Variants in TP63 observed in about 807,000 individuals in gnomAD.
The protein encoded by TP63 is tumor protein 63.
Under a neutral mutation model 82.8 loss-of-function variants are expected in TP63, and 17 were observed. The observed-to-expected ratio is 0.21, with a 90% CI of 0.14 to 0.31. The LOEUF (loss-of-function observed/expected upper bound fraction) is 0.31. TP63 is among the 10% of genes least tolerant of loss of function. TP63 has a pLI of 1.00. For synonymous variants in TP63, 330 were observed against 321.7 expected, an observed-to-expected ratio of 1.03 and a Z score of -0.28; for missense variants, 648 against 895.3, an observed-to-expected ratio of 0.72 and a Z score of 3.52.
intron 10 of TP63, among the ~76,000 whole-genome samples, chr3:189,877,463 G>A (rs775775115): frequency 2.0e-5 from 3 of 152,160 alleles, no homozygotes; most frequent in Non-Finnish European, 4.4e-5. Flanking sequence ...ACATAAAAGC[G>A]AGGCTGACAT....
intron 1 of TP63, among the ~76,000 whole-genome samples, chr3:189,647,906 C>G (rs1349455352): frequency 6.8e-6 from 1 of 146,852 alleles, no homozygotes; most frequent in Non-Finnish European, 1.5e-5. Context: ...GGAAATGTTG[C>G]TTCTTTTGAA....
chr3:189,672,650 GAGGAAGGAAGGAAAGA>G (rs1176920217), intron 1 of TP63, among the ~76,000 whole-genome samples: 30 of 103,022 alleles, frequency 2.9e-4, no homozygotes, highest in Admixed American at 4.6e-4. Flanking sequence ...GGGAGGGAGG[GAGGAAGGAAGGAAAGA>G]AGGAAGGAAG....
At chr3:189,689,648 T>C (rs1009496277) in intron 1 of TP63, among the ~76,000 whole-genome samples, 1 of 152,128 alleles carries the variant, frequency 6.6e-6, no homozygotes, top group Non-Finnish European at 1.5e-5. Flanking sequence ...TATTAGGTAT[T>C]CAAAAGGGTC....
At chr3:189,616,402 C>T in the TP63 span, among the ~76,000 whole-genome samples, 2 of 152,230 alleles carry the variant, frequency 1.3e-5, no homozygotes, top group Non-Finnish European at 2.9e-5. Flanking sequence ...CTAACACCCT[C>T]TTATTGAGAT....
At chr3:189,627,011 C>T (rs986152336), upstream of TP63, among the ~76,000 whole-genome samples, 1 of 152,050 alleles carries the variant, frequency 6.6e-6, no homozygotes, top group African/African-American at 2.4e-5. Context: ...CTGATTGATA[C>T]ATCCTTCCCC....
At chr3:189,623,780 C>T in the TP63 span, among the ~76,000 whole-genome samples, 9 of 152,114 alleles carry the variant, frequency 5.9e-5, no homozygotes, top group Non-Finnish European at 1.3e-4. Flanking sequence ...TTGCAATAAG[C>T]AATCAACCAA....
intron 6 of TP63, among the ~76,000 whole-genome samples, chr3:189,867,387 A>G (rs1202575069): frequency 6.6e-6 from 1 of 152,194 alleles, no homozygotes; most frequent in East Asian, 1.9e-4. Context: ...TTCTGAGAAC[A>G]TTTTGAGCTC....
upstream of TP63, among the ~76,000 whole-genome samples, chr3:189,627,911 C>G (rs1729355554): frequency 6.6e-6 from 1 of 152,034 alleles, no homozygotes; most frequent in South Asian, 2.1e-4. Flanking sequence ...TCTAAGAGGT[C>G]AAGTGTTTTG....
intron 1 of TP63, among the ~76,000 whole-genome samples, chr3:189,670,303 A>G (rs1210101568): frequency 1.3e-5 from 2 of 152,088 alleles, no homozygotes; most frequent in African/African-American, 4.8e-5. Flanking sequence ...TCCAAACAAC[A>G]TTACCAACCA....
chr3:189,613,956 C>G, the TP63 span, among the ~76,000 whole-genome samples: 92 of 152,274 alleles, frequency 6.0e-4, no homozygotes, highest in Non-Finnish European at 1.2e-3. Flanking sequence ...GTTTTTGATT[C>G]TACAGGCTCA....
intron 1 of TP63, among the ~76,000 whole-genome samples, chr3:189,706,391 G>A (rs1400234742): frequency 1.3e-5 from 2 of 152,036 alleles, no homozygotes; most frequent in Non-Finnish European, 2.9e-5. Context: ...CAAGTAGTGG[G>A]ATTACAGGCA....
rs568027539 is a variant in TP63, at chr3:189,659,360, A to G, written c.62+27783A>G. Among the ~76,000 whole-genome samples the G allele has an allele frequency of 5.9e-5, 9 of 152,146 alleles. No homozygotes were observed. In the South Asian group the frequency reaches 1.9e-3, roughly 32 times the overall value. On this transcript the variant is annotated intron_variant, in intron 1 of 13. Transcript: ENST00000264731. Reference sequence around the variant, plus strand: ...ACTTAGGATAATGGCCTCCAGCTGCATCTGTGTTGCTGCAAAGAAGATGAT... The same window carrying G: ...ACTTAGGATAATGGCCTCCAGCTGCGTCTGTGTTGCTGCAAAGAAGATGAT...
chr3:189,826,078 T>TA (rs1729319588), intron 4 of TP63, among the ~76,000 whole-genome samples: 1 of 152,230 alleles, frequency 6.6e-6, no homozygotes, highest in Non-Finnish European at 1.5e-5. Flanking sequence ...ATTTAAAACT[T>TA]AAAGTTTTAT....
Position 189,868,669 on chromosome 3 carries a change from A to C in TP63, c.1082A>C (p.Lys361Thr). The stretch of plus-strand genomic sequence containing the variant: ...AAGGCGGATGAAGATAGCATCAGAA[A>C]GCAGCAAGTTTCGGACAGTACAAAG... ...DRKADEDSIR[K>T]QQVSDSTKNG... The change falls in exon 8 of 14, where the codon AAG becomes ACG. Residue 361 changes from lysine to threonine, a missense_variant. Coordinates refer to ENST00000264731, the MANE Select transcript of TP63 (RefSeq NM_003722.5). The C allele has an allele frequency of 6.2e-7, 1 of 1,614,160 alleles. No homozygotes were observed. The highest frequency in any genetic ancestry group is 8.5e-7 in the Non-Finnish European group (1 of 1,180,012).
chr3:189,777,739 C>T (rs1219222842), intron 3 of TP63, among the ~76,000 whole-genome samples: 2 of 150,364 alleles, frequency 1.3e-5, no homozygotes, highest in Non-Finnish European at 3.0e-5. Flanking sequence ...TGTATTTCAC[C>T]CGACTTTGTA....
At chr3:189,717,922 A>T (rs1043068111) in intron 1 of TP63, among the ~76,000 whole-genome samples, 2 of 152,254 alleles carry the variant, frequency 1.3e-5, no homozygotes, top group Non-Finnish European at 2.9e-5. Context: ...ATGTGGAAAA[A>T]TGAGAAACCT....
chr3:189,773,918 T>G (rs906519489), intron 3 of TP63, among the ~76,000 whole-genome samples: 140 of 109,898 alleles, frequency 1.3e-3, no homozygotes, highest in African/African-American at 5.4e-3. Flanking sequence ...CTCGTGCCTT[T>G]TTTTTTTTTT....
intron 1 of TP63, among the ~76,000 whole-genome samples, chr3:189,638,338 A>T (rs1299114031): frequency 2.0e-5 from 3 of 152,112 alleles, no homozygotes; most frequent in Non-Finnish European, 2.9e-5. Flanking sequence ...AGTGAAATAC[A>T]ATCCTAGACC....
chr3:189,721,968 G>A (rs541514983), intron 1 of TP63, among the ~76,000 whole-genome samples: 29 of 152,226 alleles, frequency 1.9e-4, no homozygotes, highest in Non-Finnish European at 3.8e-4. Flanking sequence ...AAGGAAGCCT[G>A]AAGGTTTAAG....
Sources: allele counts gnomAD v4.1 joint callset (sites outside exome capture counted in the v4.1 genomes callset), GRCh38; gene constraint gnomAD v4.1.1; transcripts MANE v1.5; gene names NCBI Gene and HGNC (gene_info 2026-07-23, HGNC 2026-07-21).